KCNH8: variants seen among roughly 807,000 people sequenced by gnomAD.
The protein encoded by KCNH8 is voltage-gated delayed rectifier potassium channel KCNH8.
KCNH8 carries 70 observed loss-of-function variants against 103.6 expected under a neutral mutation model. The ratio of observed to expected loss-of-function variants is 0.68; its 90% CI spans 0.56 to 0.82. KCNH8 has a LOEUF of 0.82. KCNH8 is among the 40% of genes least tolerant of loss of function. KCNH8 has a pLI of 0.00. For missense variants in KCNH8, 1,217 were observed against 1,329.9 expected (o/e 0.92, Z 1.32); for synonymous variants, 498 against 489.4 (o/e 1.02, Z -0.23).
intron 11 of KCNH8, among the ~76,000 whole-genome samples, chr3:19,503,945 A>G (rs1407298291): frequency 6.6e-6 from 1 of 151,908 alleles, no homozygotes; most frequent in African/African-American, 2.4e-5. Context: ...AATAATAATA[A>G]AGAAAATTAC....
Position 19,512,987 on chromosome 3 carries a change from T to A in KCNH8, c.2097T>A (p.Asn699Lys). 1 of 1,613,262 alleles carries A rather than the reference T, an allele frequency of 6.2e-7. No individual in the cohort carries two copies. Among genetic ancestry groups the A allele is most frequent in the Non-Finnish European group, 8.5e-7 (1 of 1,179,686 alleles). The change falls in exon 13 of 16, where the codon AAT becomes AAA. Residue 699 changes from asparagine to lysine, a missense_variant. Coordinates refer to ENST00000328405, the MANE Select transcript of KCNH8 (RefSeq NM_144633.3). ...TGATTTAGTCAGAGCCCAAGGGAAA[T>A]GGCAACATCAACAAGCGACTCCCAT... ...SMVSQSEPKGNGNINKRLPSI... is the reference protein window; with the variant it reads ...SMVSQSEPKGKGNINKRLPSI...
At chr3:19,201,258 AAAAAG>A (rs1439763258) in intron 1 of KCNH8, among the ~76,000 whole-genome samples, 24 of 146,678 alleles carry the variant, frequency 1.6e-4, no homozygotes, top group Admixed American at 1.4e-4. Context: ...AAAAAAAAAA[AAAAAG>A]AAAAGAAAAT....
intron 11 of KCNH8, among the ~76,000 whole-genome samples, chr3:19,492,791 A>G (rs558132664): frequency 3.3e-4 from 49 of 150,080 alleles, no homozygotes; most frequent in African/African-American, 1.0e-3. Context: ...CATTTTCATG[A>G]CACTGATTCT....
At chr3:19,510,931 A>C (rs2068772741) in intron 12 of KCNH8, among the ~76,000 whole-genome samples, 1 of 152,220 alleles carries the variant, frequency 6.6e-6, no homozygotes, top group Non-Finnish European at 1.5e-5. Flanking sequence ...TAAATTACCT[A>C]ATGCATTATG....
intron 7 of KCNH8, among the ~76,000 whole-genome samples, chr3:19,434,137 A>G (rs2067162191): frequency 6.6e-6 from 1 of 152,204 alleles, no homozygotes; most frequent in South Asian, 2.1e-4. Flanking sequence ...ATCTCAAAAC[A>G]AAAAGTGTTT....
At chr3:19,201,442 C>G (rs753976957) in intron 1 of KCNH8, among the ~76,000 whole-genome samples, 9 of 151,836 alleles carry the variant, frequency 5.9e-5, no homozygotes, top group Non-Finnish European at 8.8e-5. Flanking sequence ...AATCCCACAG[C>G]CTTCTCTCCT....
At chr3:19,491,485 T>G (rs549633025) in intron 11 of KCNH8, among the ~76,000 whole-genome samples, 1 of 152,344 alleles carries the variant, frequency 6.6e-6, no homozygotes, top group African/African-American at 2.4e-5. Flanking sequence ...GATTCATCCA[T>G]GTTGCTGTGA....
At chr3:19,150,936 C>T (rs2063122748) in intron 1 of KCNH8, among the ~76,000 whole-genome samples, 1 of 152,028 alleles carries the variant, frequency 6.6e-6, no homozygotes, top group African/African-American at 2.4e-5. Context: ...TTGTTTACAA[C>T]ATTTAGTGAA....
chr3:19,253,596 GT>G (rs1450314632), intron 1 of KCNH8, 57 bp from the exon 2 acceptor site: 1 of 1,256,302 alleles, frequency 8.0e-7, no homozygotes, highest in African/African-American at 1.5e-5. Flanking sequence ...TACAGGAATT[GT>G]GTATAAATTC....
At chr3:19,411,851 A>C (rs1370038708) in intron 7 of KCNH8, among the ~76,000 whole-genome samples, 1 of 151,904 alleles carries the variant, frequency 6.6e-6, no homozygotes, top group Admixed American at 6.6e-5. Flanking sequence ...GGAGAATTAC[A>C]AAACACTATG....
At position 19,258,935 on chromosome 3, in the gene KCNH8, CTCTCTCTCTCTCTATA is replaced by C. The variant is rs1302275404; in HGVS notation, c.310+5050_310+5065del. On this transcript the variant is annotated intron_variant, in intron 2 of 15. Transcript: ENST00000328405. ...TCTCTCTCTCTCTCTCTCTCTCTCTCTCTCTCTCTCTCTATATATATATATATATATATATATATAT... is the reference window on the plus strand; with the variant it reads ...TCTCTCTCTCTCTCTCTCTCTCTCTCTATATATATATATATATATATATAT... Among the ~76,000 whole-genome samples the C allele has an allele frequency of 1.2e-3, 101 of 83,432 alleles. 1 individual carries two copies. Among genetic ancestry groups the C allele is most frequent in the Non-Finnish European group, 1.6e-3 (66 of 40,294 alleles). 54.7% of individuals were successfully genotyped at this position (83,432 alleles called of 152,430 possible).
intron 1 of KCNH8, among the ~76,000 whole-genome samples, chr3:19,223,921 G>A (rs576150605): frequency 6.6e-6 from 1 of 152,030 alleles, no homozygotes; most frequent in Non-Finnish European, 1.5e-5. Context: ...AGATAAAAAG[G>A]TATTCAATGT....
intron 3 of KCNH8, among the ~76,000 whole-genome samples, chr3:19,329,213 C>T (rs868605919): frequency 6.6e-6 from 1 of 152,164 alleles, no homozygotes; most frequent in Non-Finnish European, 1.5e-5. Flanking sequence ...CACTAACTTG[C>T]AGCTCTTGTA....
In KCNH8 at chr3:19,157,526, CAT is replaced by C. The variant is rs2063192371; in HGVS notation, c.76+8734_76+8735del. ...GCCTCTTGTTTAGCTGTACAGTACT[CAT>C]ATTATATATTGTATTATTGCTTCTG... is the stretch of plus-strand genomic sequence containing the variant. On this transcript the variant is annotated intron_variant, in intron 1 of 15. Transcript: ENST00000328405. Among the ~76,000 whole-genome samples the C allele has an allele frequency of 1.3e-5, 2 of 152,008 alleles. 1 individual carries two copies. Among genetic ancestry groups the C allele is most frequent in the African/African-American group, 4.8e-5 (2 of 41,424 alleles).
intron 12 of KCNH8, among the ~76,000 whole-genome samples, chr3:19,511,848 C>T (rs563735007): frequency 9.2e-5 from 14 of 152,070 alleles, no homozygotes; most frequent in African/African-American, 2.4e-4. Context: ...CTAAACTGAA[C>T]GGGCTATTGC....
intron 1 of KCNH8, among the ~76,000 whole-genome samples, chr3:19,229,881 CA>C (rs1383170490): frequency 1.3e-5 from 2 of 152,180 alleles, no homozygotes; most frequent in Non-Finnish European, 2.9e-5. Flanking sequence ...ATCTTTTCAG[CA>C]ATGCCCCACT....
chr3:19,525,222 TAAAAA>T (rs538054814), intron 15 of KCNH8, among the ~76,000 whole-genome samples: 7 of 151,606 alleles, frequency 4.6e-5, no homozygotes, highest in African/African-American at 1.7e-4. Context: ...AAAATCAAAA[TAAAAA>T]AAGAAATTTC....
At chr3:19,228,389 C>T (rs2063956140) in intron 1 of KCNH8, among the ~76,000 whole-genome samples, 7 of 152,164 alleles carry the variant, frequency 4.6e-5, no homozygotes, top group Admixed American at 3.3e-4. Flanking sequence ...AGCCTCAGGG[C>T]TGTTCTTTTT....
At chr3:19,222,195 G>C (rs900754366) in intron 1 of KCNH8, among the ~76,000 whole-genome samples, 4 of 152,140 alleles carry the variant, frequency 2.6e-5, no homozygotes, top group Non-Finnish European at 4.4e-5. Context: ...AATATGAGTA[G>C]ATTTTCATAG....
Sources: allele counts gnomAD v4.1 joint callset (sites outside exome capture counted in the v4.1 genomes callset), GRCh38; gene constraint gnomAD v4.1.1; transcripts MANE v1.5; gene names NCBI Gene and HGNC (gene_info 2026-07-23, HGNC 2026-07-21).